Variants in KSR2 observed in about 807,000 individuals in gnomAD.
The protein encoded by KSR2 is kinase suppressor of ras 2.
KSR2 carries 25 observed loss-of-function variants against 107.8 expected under a neutral mutation model. The ratio of observed to expected loss-of-function variants is 0.23; its 90% CI spans 0.17 to 0.32. The LOEUF is 0.32. Ranked by LOEUF, KSR2 falls within the 10% of genes least tolerant of loss-of-function variation. The pLI, the probability that KSR2 is intolerant of heterozygous loss-of-function variation, is 1.00. For synonymous variants in KSR2, 480 were observed against 507.0 expected (o/e 0.95, Z 0.71); for missense variants, 887 against 1,268.9 (o/e 0.70, Z 4.57).
At chr12:117,800,493 A>C (rs1890794769) in intron 3 of KSR2, among the ~76,000 whole-genome samples, 1 of 152,236 alleles carries the variant, frequency 6.6e-6, no homozygotes, top group Non-Finnish European at 1.5e-5. Flanking sequence ...ACTCAGCTGG[A>C]GAAAAGCAGA....
At chr12:117,535,604 TTGTGTGTGTG>T (rs5801239) in intron 10 of KSR2, among the ~76,000 whole-genome samples, 30,905 of 142,224 alleles carry the variant, frequency 0.22, 3,678 homozygotes, top group East Asian at 0.41. Context: ...TTTCCTGGAG[TTGTGTGTGTG>T]TGTGTGTGTG....
chr12:117,958,180 G>C (rs4247308), intron 1 of KSR2, among the ~76,000 whole-genome samples: 1 of 151,826 alleles, frequency 6.6e-6, no homozygotes, highest in Admixed American at 6.6e-5. Flanking sequence ...CATTACCCCA[G>C]GTACCAAGGC....
intron 1 of KSR2, among the ~76,000 whole-genome samples, chr12:117,952,766 C>A (rs1841080382): frequency 6.6e-6 from 1 of 151,930 alleles, no homozygotes; most frequent in South Asian, 2.1e-4. Context: ...GGAGGATCAC[C>A]TGAGGTCAAG....
At position 117,682,240 on chromosome 12, in the gene KSR2, A is replaced by G. The variant is rs146520523; in HGVS notation, c.987-14582T>C. Among the ~76,000 whole-genome samples, 40 of 152,226 alleles carry G rather than the reference A, an allele frequency of 2.6e-4. No homozygotes were observed. In the East Asian group the frequency reaches 5.6e-3, roughly 21 times the overall value. ...CAATGAGAACATGTAGACACAGGGA[A>G]GGGAACAACACACACTGGGGCCTAT... On this transcript the variant is annotated intron_variant, in intron 4 of 19. Coordinates refer to ENST00000339824, the MANE Select transcript of KSR2 (RefSeq NM_173598.6).
chr12:117,815,306 A>T (rs1413438189), intron 3 of KSR2, among the ~76,000 whole-genome samples: 2 of 152,212 alleles, frequency 1.3e-5, no homozygotes, highest in East Asian at 1.9e-4. Flanking sequence ...ACAATTAGGG[A>T]TCATTACACA....
chr12:117,873,607 C>T (rs897390479), intron 1 of KSR2, among the ~76,000 whole-genome samples: 6 of 151,904 alleles, frequency 3.9e-5, no homozygotes, highest in Non-Finnish European at 7.4e-5. Context: ...ATTACAGGTG[C>T]GTGCCACCAC....
Position 117,535,233 on chromosome 12 carries a change from T to G in KSR2, c.1688-3526A>C, listed in dbSNP as rs558960899. On this transcript the variant is annotated intron_variant, in intron 10 of 19. Transcript: ENST00000339824. ...ATTTGAAGAGAAAAAACTGCAGCCC[T>G]GGGCAGTGCATGAAATTCAGGTCAT... Among the ~76,000 whole-genome samples, 17 of 152,300 alleles carry G rather than the reference T, an allele frequency of 1.1e-4. No individual in the cohort carries two copies. The East Asian group carries it at 3.3e-3, about 29-fold the overall frequency.
Position 117,808,478 on chromosome 12 carries a change from G to T in KSR2, c.472+46950C>A, listed in dbSNP as rs12314715. Among the ~76,000 whole-genome samples, 1,040 of 152,224 alleles carry T rather than the reference G, an allele frequency of 6.8e-3. 14 individuals are homozygous for T. Among genetic ancestry groups the T allele is most frequent in the African/African-American group, 0.024 (1,006 of 41,546 alleles). ...CTCAATTTCCTCATCTCTAAATTGG[G>T]AGTAATAATAGTGACTACCTCAAAG... On this transcript the variant is annotated intron_variant, in intron 3 of 19. Coordinates refer to ENST00000339824, the MANE Select transcript of KSR2 (RefSeq NM_173598.6).
chr12:117,722,267 C>A (rs1584211), intron 4 of KSR2, among the ~76,000 whole-genome samples: 59,763 of 151,860 alleles, frequency 0.39, 11,963 homozygotes, highest in Middle Eastern at 0.5. Flanking sequence ...GTGGGGGAAC[C>A]CTAGATGACC....
rs529242122 is a variant in KSR2, at chr12:117,818,222, A to G, written c.472+37206T>C. On this transcript the variant is annotated intron_variant, in intron 3 of 19. Transcript: ENST00000339824. ...GTCACACTGCTAGGGCCAAATCCTA[A>G]TGTCACCATTTGGCCCTTGGAAGAT... 3.9e-5 allele frequency among the ~76,000 whole-genome samples: 6 copies of G among 152,322 alleles called. No homozygotes were observed. The East Asian group carries it at 1.2e-3, about 29-fold the overall frequency.
chr12:117,486,777 C>T lies in KSR2; in HGVS notation c.2220-1086G>A, dbSNP rs11068507. ...TTACTGTATGTCTTGAGGTGGGTTACCTCACCTCTCTGGGCCTCAGTTTCC... is the reference window on the plus strand; with the variant it reads ...TTACTGTATGTCTTGAGGTGGGTTATCTCACCTCTCTGGGCCTCAGTTTCC... On this transcript the variant is annotated intron_variant, in intron 14 of 19. Coordinates refer to ENST00000339824, the MANE Select transcript of KSR2 (RefSeq NM_173598.6). Among the ~76,000 whole-genome samples the T allele has an allele frequency of 5.0e-3, 757 of 152,260 alleles. 7 individuals are homozygous for T. The highest frequency in any genetic ancestry group is 0.017 in the African/African-American group (722 of 41,558).
chr12:117,496,705 A>T (rs970663037), intron 14 of KSR2, among the ~76,000 whole-genome samples: 7 of 152,208 alleles, frequency 4.6e-5, no homozygotes, highest in Admixed American at 3.9e-4. Context: ...AACATATATT[A>T]AAAAACAAAG....
chr12:117,695,169 G>A (rs1219097285), intron 4 of KSR2, among the ~76,000 whole-genome samples: 5 of 151,950 alleles, frequency 3.3e-5, no homozygotes, highest in Admixed American at 6.6e-5. Flanking sequence ...ACTTCTATGA[G>A]GTACCTAGAA....
intron 3 of KSR2, among the ~76,000 whole-genome samples, chr12:117,790,254 T>C (rs1402585001): frequency 6.6e-6 from 1 of 152,226 alleles, no homozygotes; most frequent in Non-Finnish European, 1.5e-5. Flanking sequence ...ATACAGATTT[T>C]GCTTTTATGT....
intron 1 of KSR2, among the ~76,000 whole-genome samples, chr12:117,906,646 T>C (rs953304634): frequency 6.6e-6 from 1 of 151,928 alleles, no homozygotes; most frequent in Admixed American, 6.6e-5. Context: ...GTTTCTACTC[T>C]AGGGAGGTAC....
intron 5 of KSR2, among the ~76,000 whole-genome samples, chr12:117,598,111 G>A (rs943616557): frequency 6.6e-6 from 1 of 152,200 alleles, no homozygotes; most frequent in East Asian, 1.9e-4. Flanking sequence ...TGCACCCCAT[G>A]TGTAGTCTTT....
At chr12:117,792,178 A>AT (rs916702664) in intron 3 of KSR2, among the ~76,000 whole-genome samples, 44 of 100,274 alleles carry the variant, frequency 4.4e-4, no homozygotes, top group South Asian at 1.9e-3. Flanking sequence ...TCTCTACAAA[A>AT]AAAAAAATAA....
Position 117,463,385 on chromosome 12 carries a change from A to G in KSR2, c.*3814T>C, listed in dbSNP as rs946501493. ...TGTTCCTCCCCTGACAGCCATATCC[A>G]ATCCTCTCTATCAAAGGCTAGCAAA... On this transcript the variant is annotated 3_prime_UTR_variant, in exon 20 of 20. Transcript: ENST00000339824. 1.3e-5 allele frequency: 2 copies of G among 152,222 alleles called. No individual in the cohort carries two copies. The highest frequency in any genetic ancestry group is 4.8e-5 in the African/African-American group (2 of 41,452). The allele number at this position is 152,222 out of a possible 1,614,324, so 9.4% of individuals were successfully genotyped here.
intron 1 of KSR2, among the ~76,000 whole-genome samples, chr12:117,870,413 C>T (rs2137281577): frequency 6.6e-6 from 1 of 152,158 alleles, no homozygotes; most frequent in South Asian, 2.1e-4. Flanking sequence ...CCAGCCTGGC[C>T]AACATAGTGA....
Sources: gnomAD v4.1 joint callset for allele counts (sites outside exome capture counted in the v4.1 genomes callset) on GRCh38, gnomAD v4.1.1 for gene constraint, MANE v1.5 for transcripts, NCBI Gene and HGNC (gene_info 2026-07-23, HGNC 2026-07-21) for gene names.